ZNF691: variants seen among roughly 807,000 people sequenced by gnomAD.
ZNF691 encodes zinc finger protein 691.
ZNF691 carries 11 observed loss-of-function variants against 24.1 expected under a neutral mutation model. That is an observed-to-expected ratio of 0.46 (90% CI 0.29 to 0.75). ZNF691 has a LOEUF of 0.75. Among genes scored for constraint, ZNF691 ranks in the 30% least tolerant of loss-of-function variants. The pLI is 0.11. For synonymous variants in ZNF691, 149 were observed against 153.9 expected (o/e 0.97, Z 0.23); for missense variants, 356 against 409.0 (o/e 0.87, Z 1.12).
chr1:42,851,230 A>G lies in ZNF691; in HGVS notation c.365A>G (p.Lys122Arg). The stretch of plus-strand genomic sequence containing the variant: ...CCCTTTATATGTGCCCAGTGTGGCA[A>G]AACCTTCAATAATACCTCCAACCTG... Reference protein sequence around the residue: ...EKPFICAQCGKTFNNTSNLRT... With the variant: ...EKPFICAQCGRTFNNTSNLRT... Residue 122 changes from lysine to arginine, a missense_variant, in exon 4 of 4, where the codon AAA (lysine) becomes AGA (arginine). Lys to Arg is a conservative substitution (Grantham distance 26). Coordinates refer to ENST00000651192, the MANE Select transcript of ZNF691 (RefSeq NM_001242739.2). This position sits in a 1 kb window ranked among gnomAD's most constrained non-coding sequence, Gnocchi z 4.7. 6.2e-7 allele frequency: 1 copy of G among 1,614,236 alleles called. No homozygotes were observed.
At chr1:42,848,478 G>A (rs1392555660) in intron 1 of ZNF691, among the ~76,000 whole-genome samples, 1 of 152,124 alleles carries the variant, frequency 6.6e-6, no homozygotes, top group East Asian at 1.9e-4. Context: ...ACAAGATTCT[G>A]TGACTGCATA....
chr1:42,849,696 C>A lies in ZNF691; in HGVS notation c.38C>A (p.Ser13Ter), dbSNP rs1164587775. The A allele has an allele frequency of 8.4e-6, 13 of 1,551,066 alleles. No individual in the cohort carries two copies. Among genetic ancestry groups the A allele is most frequent in the Admixed American group, 2.0e-5 (1 of 50,986 alleles). Residue 13 changes from serine to a stop codon, truncating the protein, a stop_gained, in exon 3 of 4, where the codon TCG becomes TAG. Transcript: ENST00000651192. LOFTEE classifies it high-confidence loss of function. The stretch of plus-strand genomic sequence containing the variant: ...TCACCAACCCACTCTGCTGAAATGT[C>A]GTTATTTCTTCAAGGCCCGGAGGAA... The part of the protein sequence containing the change: ...LCSPTHSAEM[S>*]LFLQGPEEML...
Position 42,849,673 on chromosome 1 carries a change from A to G in ZNF691, c.15A>G (p.Ser5=). The G allele has an allele frequency of 6.4e-7, 1 of 1,551,086 alleles. No individual in the cohort carries two copies. The highest frequency in any genetic ancestry group is 8.7e-7 in the Non-Finnish European group (1 of 1,147,082). MSLC[S]PTHSAEMSLF... is the part of the protein sequence containing the mutation. ...TCCCTTTGTTCATGTCACTCTGTTC[A>G]CCAACCCACTCTGCTGAAATGTCGT... The change falls in exon 3 of 4, where the codon TCA becomes TCG. Residue 5 remains serine (S), a synonymous_variant. Coordinates refer to ENST00000651192, the MANE Select transcript of ZNF691 (RefSeq NM_001242739.2).
Position 42,851,588 on chromosome 1 carries a change from C to G in ZNF691, c.723C>G (p.Ser241Arg). The G allele has an allele frequency of 6.2e-7, 1 of 1,614,210 alleles. No individual in the cohort carries two copies. Residue 241 changes from serine to arginine, a missense_variant, in exon 4 of 4, where the codon AGC (serine) becomes AGG (arginine). Ser to Arg is a moderately radical substitution (Grantham distance 110). Coordinates refer to ENST00000651192, the MANE Select transcript of ZNF691 (RefSeq NM_001242739.2). The surrounding 1 kb of genome is among the most constrained non-coding windows in gnomAD (Gnocchi z 4.7). The part of the protein sequence containing the change: ...ECGKSFSNSS[S>R]FGVHHRTHTG... ...GGAAGAGCTTCAGCAACAGCTCCAGCTTTGGCGTGCATCACCGCACCCACA... is the reference window on the plus strand; with the variant it reads ...GGAAGAGCTTCAGCAACAGCTCCAGGTTTGGCGTGCATCACCGCACCCACA...
In ZNF691 at chr1:42,851,659, G is replaced by A; in HGVS notation, c.794G>A (p.Ser265Asn). The change falls in exon 4 of 4, where the codon AGC becomes AAC. Residue 265 changes from serine to asparagine, a missense_variant. Ser to Asn is a conservative substitution (Grantham distance 46, BLOSUM62 1). Transcript: ENST00000651192. This position sits in a 1 kb window ranked among gnomAD's most constrained non-coding sequence, Gnocchi z 4.7. ...TGCACTGAGTGTGGGCGGACCTTCA[G>A]CGATATCTCCAACTTTGGAGCACAC... ...YECTECGRTFSDISNFGAHQR... is the reference protein window; with the variant it reads ...YECTECGRTFNDISNFGAHQR... 1 of 1,613,742 alleles carries A rather than the reference G, an allele frequency of 6.2e-7. No homozygotes were observed.
chr1:42,849,774 T>C, intron 3 of ZNF691, 32 bp downstream of exon 3: 2 of 1,531,508 alleles, frequency 1.3e-6, no homozygotes, highest in Non-Finnish European at 1.8e-6. Context: ...TCCCTGTCCT[T>C]GGCTGTAGGA....
Position 42,851,289 on chromosome 1 carries a change from C to T in ZNF691, c.424C>T (p.Pro142Ser). 1 of 1,614,160 alleles carries T rather than the reference C, an allele frequency of 6.2e-7. No homozygotes were observed. The highest frequency in any genetic ancestry group is 1.7e-5 in the Admixed American group (1 of 60,016). The change falls in exon 4 of 4, where the codon CCT (proline) becomes TCT (serine). Residue 142 changes from proline to serine, a missense_variant. By Grantham distance (74) the Pro-to-Ser change is moderately conservative. Transcript: ENST00000651192. The surrounding 1 kb of genome is among the most constrained non-coding windows in gnomAD (Gnocchi z 4.7). ...THQRIHTGEK[P>S]YKCSECGKSF... ...CCAGCGGATCCACACTGGTGAGAAG[C>T]CTTACAAGTGTTCTGAATGTGGCAA...
chr1:42,848,056 G>T (rs896099517), intron 1 of ZNF691, among the ~76,000 whole-genome samples: 7 of 152,212 alleles, frequency 4.6e-5, no homozygotes, highest in African/African-American at 1.7e-4. Flanking sequence ...AATTTCTGGA[G>T]TTCACGGTCT....
Position 42,851,624 on chromosome 1 carries a change from A to G in ZNF691, c.759A>G (p.Arg253=), listed in dbSNP as rs758115638. The G allele has an allele frequency of 1.1e-4, 184 of 1,613,670 alleles. No homozygotes were observed. Among genetic ancestry groups the G allele is most frequent in the Non-Finnish European group, 1.4e-4 (171 of 1,179,956 alleles). Reference sequence around the variant, plus strand: ...ATCACCGCACCCACACAGGTGAGAGACCTTATGAGTGCACTGAGTGTGGGC... The same window carrying G: ...ATCACCGCACCCACACAGGTGAGAGGCCTTATGAGTGCACTGAGTGTGGGC... ...GVHHRTHTGE[R]PYECTECGRT... The change falls in exon 4 of 4, where the codon AGA becomes AGG. Residue 253 remains arginine (R), a synonymous_variant. Coordinates refer to ENST00000651192, the MANE Select transcript of ZNF691 (RefSeq NM_001242739.2). This position sits in a 1 kb window ranked among gnomAD's most constrained non-coding sequence, Gnocchi z 4.7.
At chr1:42,848,829 G>A (rs553685668) in intron 1 of ZNF691, among the ~76,000 whole-genome samples, 5 of 152,288 alleles carry the variant, frequency 3.3e-5, no homozygotes, top group Admixed American at 2.0e-4. Flanking sequence ...TTTTTTAAAG[G>A]ATGGTCAGGA....
At chr1:42,847,079 G>A (rs757471188) in intron 1 of ZNF691, among the ~76,000 whole-genome samples, 5 of 152,140 alleles carry the variant, frequency 3.3e-5, no homozygotes, top group Non-Finnish European at 5.9e-5. Flanking sequence ...TGACACTTCT[G>A]GCAGCCTTTG....
At chr1:42,850,505 T>C in intron 3 of ZNF691, 1 of 985,404 alleles carries the variant, frequency 1.0e-6, no homozygotes, top group Non-Finnish European at 1.2e-6. Context: ...AAAGCAGGCA[T>C]ATAGGTAGAT....
In ZNF691 at chr1:42,846,946, C is replaced by T. The variant is rs115954600; in HGVS notation, c.-218+289C>T. On this transcript the variant is annotated intron_variant, in intron 1 of 3. Coordinates refer to ENST00000651192, the MANE Select transcript of ZNF691 (RefSeq NM_001242739.2). ...ACGTTTAGGATCAGCCCCTCCTCCT[C>T]TCCCACCTCTCTGGCCCCAAGCCCG... is the stretch of plus-strand genomic sequence containing the variant. Among the ~76,000 whole-genome samples, 709 of 152,284 alleles carry T rather than the reference C, an allele frequency of 4.7e-3. 3 individuals are homozygous for T. The highest frequency in any genetic ancestry group is 0.014 in the African/African-American group (561 of 41,538).
In ZNF691 at chr1:42,850,744, G is replaced by T. The variant is rs1438063809; in HGVS notation, c.85-206G>T. ...AAGCCGGTGCCTTCTTTTTGCTCTGGTGGGTAGCTTTAAATATCTCTGAAA... is the reference window on the plus strand; with the variant it reads ...AAGCCGGTGCCTTCTTTTTGCTCTGTTGGGTAGCTTTAAATATCTCTGAAA... On this transcript the variant is annotated intron_variant, in intron 3 of 3. Transcript: ENST00000651192. The T allele has an allele frequency of 5.8e-6, 9 of 1,550,586 alleles. No homozygotes were observed. In the East Asian group the frequency reaches 2.0e-4, roughly 34 times the overall value.
Position 42,851,553 on chromosome 1 carries a change from T to C in ZNF691, c.688T>C (p.Cys230Arg). ...THLEPAPYIC[C>R]ECGKSFSNSS... The stretch of plus-strand genomic sequence containing the variant: ...CCTGGAGCCAGCACCCTACATCTGC[T>C]GTGAGTGTGGGAAGAGCTTCAGCAA... The change falls in exon 4 of 4, where the codon TGT becomes CGT. Residue 230 changes from cysteine (C) to arginine (R), a missense_variant. Physicochemically the swap from Cys to Arg is radical, Grantham distance 180 (BLOSUM62 -3). Coordinates refer to ENST00000651192, the MANE Select transcript of ZNF691 (RefSeq NM_001242739.2). The surrounding 1 kb of genome is among the most constrained non-coding windows in gnomAD (Gnocchi z 4.7). 6.2e-7 allele frequency: 1 copy of C among 1,614,200 alleles called. No individual in the cohort carries two copies. The highest frequency in any genetic ancestry group is 2.2e-5 in the East Asian group (1 of 44,882).
intron 1 of ZNF691, among the ~76,000 whole-genome samples, chr1:42,847,281 A>G (rs1655266616): frequency 6.6e-6 from 1 of 151,908 alleles, no homozygotes; most frequent in Non-Finnish European, 1.5e-5. Flanking sequence ...GGACCTCCAT[A>G]CCGCACTATG....
rs532468683 is a variant in ZNF691, at chr1:42,852,426, A to G, written c.*613A>G. 18 of 180,834 alleles carry G rather than the reference A, an allele frequency of 1.0e-4. No individual in the cohort carries two copies. Among genetic ancestry groups the G allele is most frequent in the Admixed American group, 8.9e-4 (16 of 17,958 alleles). The allele number at this position is 180,834 out of a possible 1,614,324, so 11.2% of individuals were successfully genotyped here. Reference sequence around the variant, plus strand: ...TTTGTTACTTGTTATCCCTCCCCCAACCTGCCTCTGTTTTCCCCAGAGTGA... The same window carrying G: ...TTTGTTACTTGTTATCCCTCCCCCAGCCTGCCTCTGTTTTCCCCAGAGTGA... On this transcript the variant is annotated 3_prime_UTR_variant, in exon 4 of 4. Transcript: ENST00000651192.
rs1042979354 is a variant in ZNF691, at chr1:42,851,876, C to A, written c.*63C>A. The A allele has an allele frequency of 3.8e-6, 6 of 1,599,960 alleles. No individual in the cohort carries two copies. In the South Asian group the frequency reaches 4.5e-5, roughly 12 times the overall value. On this transcript the variant is annotated 3_prime_UTR_variant, in exon 4 of 4. Coordinates refer to ENST00000651192, the MANE Select transcript of ZNF691 (RefSeq NM_001242739.2). This position sits in a 1 kb window ranked among gnomAD's most constrained non-coding sequence, Gnocchi z 4.7. Reference sequence around the variant, plus strand: ...AGACCCTAACCTATTGGAGGAAGATCTTCAGCATCTTTTGCTGCTACCTTG... The same window carrying A: ...AGACCCTAACCTATTGGAGGAAGATATTCAGCATCTTTTGCTGCTACCTTG...
chr1:42,847,274 C>A (rs1655266358), intron 1 of ZNF691, among the ~76,000 whole-genome samples: 1 of 152,308 alleles, frequency 6.6e-6, no homozygotes. Context: ...TAACTTCGGA[C>A]CTCCATACCG....
Sources: gnomAD v4.1 joint callset for allele counts (sites outside exome capture counted in the v4.1 genomes callset) on GRCh38, gnomAD v4.1.1 for gene constraint, Gnocchi (gnomAD v3.1) non-coding constraint, MANE v1.5 for transcripts, NCBI Gene and HGNC (gene_info 2026-07-23, HGNC 2026-07-21) for gene names.